RUNDC3B: variants seen among roughly 807,000 people sequenced by gnomAD.
The protein encoded by RUNDC3B is RUN domain-containing protein 3B.
RUNDC3B carries 33 observed loss-of-function variants against 58.4 expected under a neutral mutation model. The ratio of observed to expected loss-of-function variants is 0.56; its 90% CI spans 0.43 to 0.75. RUNDC3B has a LOEUF of 0.75. Ranked by LOEUF, RUNDC3B falls within the 30% of genes least tolerant of loss-of-function variation. RUNDC3B has a pLI of 0.00. For missense variants in RUNDC3B, 501 were observed against 535.7 expected (o/e 0.94, Z 0.64); for synonymous variants, 193 against 195.2 (o/e 0.99, Z 0.10).
At chr7:87,645,693 A>G (rs1822934153) in intron 1 of RUNDC3B, among the ~76,000 whole-genome samples, 1 of 152,228 alleles carries the variant, frequency 6.6e-6, no homozygotes, top group South Asian at 2.1e-4. Context: ...TCTTAGATAT[A>G]TTAAAATTCT....
At chr7:87,735,359 T>G (rs1831864518) in intron 4 of RUNDC3B, among the ~76,000 whole-genome samples, 1 of 152,208 alleles carries the variant, frequency 6.6e-6, no homozygotes, top group African/African-American at 2.4e-5. Flanking sequence ...CCTGTTGGCC[T>G]CCTGACCTTC....
intron 6 of RUNDC3B, among the ~76,000 whole-genome samples, chr7:87,753,838 G>A (rs956815402): frequency 1.8e-4 from 27 of 152,104 alleles, no homozygotes; most frequent in South Asian, 6.2e-4. Context: ...CTACATAGAG[G>A]AGCCAGAGTG....
intron 6 of RUNDC3B, among the ~76,000 whole-genome samples, chr7:87,743,256 G>A (rs1453907161): frequency 2.6e-5 from 4 of 152,286 alleles, no homozygotes; most frequent in Middle Eastern, 3.4e-3. Context: ...TTGCAGTTGC[G>A]AATTGTGCTG....
intron 8 of RUNDC3B, among the ~76,000 whole-genome samples, chr7:87,788,187 C>G (rs1835325630): frequency 2.0e-5 from 3 of 152,152 alleles, no homozygotes; most frequent in Admixed American, 6.6e-5. Context: ...CTTTGAGAGG[C>G]CAAGGCGAGA....
chr7:87,754,520 A>T (rs1833237973), intron 6 of RUNDC3B, among the ~76,000 whole-genome samples: 1 of 152,198 alleles, frequency 6.6e-6, no homozygotes, highest in South Asian at 2.1e-4. Context: ...CTAATATCAC[A>T]ATGGAAAGAA....
At chr7:87,786,896 G>A (rs2130899312) in intron 8 of RUNDC3B, among the ~76,000 whole-genome samples, 1 of 152,194 alleles carries the variant, frequency 6.6e-6, no homozygotes, top group South Asian at 2.1e-4. Context: ...GCTTTCAGTT[G>A]TCTTTAATAA....
intron 6 of RUNDC3B, among the ~76,000 whole-genome samples, chr7:87,759,155 A>G (rs924850455): frequency 2.0e-5 from 3 of 152,186 alleles, no homozygotes; most frequent in African/African-American, 4.8e-5. Flanking sequence ...TTCAGCCACA[A>G]AAAGAATGAA....
Position 87,628,750 on chromosome 7 carries a change from G to A in RUNDC3B, c.-74G>A. The A allele has an allele frequency of 1.0e-6, 1 of 957,640 alleles. No homozygotes were observed. Among genetic ancestry groups the A allele is most frequent in the Non-Finnish European group, 1.4e-6 (1 of 726,356 alleles). The allele number at this position is 957,640 out of a possible 1,614,324, so 59.3% of individuals were successfully genotyped here. A position where few individuals can be genotyped will look rare whatever the true frequency, so the allele number is the denominator to read the frequency against. Reference sequence around the variant, plus strand: ...GCGCCCCCACGGTTGCGGACCGAGCGAGAACCCCCTTAAGCAGGTGTGGGG... The same window carrying A: ...GCGCCCCCACGGTTGCGGACCGAGCAAGAACCCCCTTAAGCAGGTGTGGGG... On this transcript the variant is annotated 5_prime_UTR_variant, in exon 1 of 11. Transcript: ENST00000394654.
At chr7:87,687,781 A>G (rs1174688876) in intron 2 of RUNDC3B, among the ~76,000 whole-genome samples, 19 of 152,218 alleles carry the variant, frequency 1.2e-4, no homozygotes, top group Admixed American at 1.2e-3. Flanking sequence ...AGCATTGCTC[A>G]GGAACTCTGG....
chr7:87,795,338 A>G (rs1835757107), intron 8 of RUNDC3B, among the ~76,000 whole-genome samples: 2 of 152,342 alleles, frequency 1.3e-5, no homozygotes, highest in South Asian at 4.1e-4. Context: ...GATATTTCTC[A>G]AAAGAAGACA....
chr7:87,702,931 T>G (rs1356066084), intron 3 of RUNDC3B, among the ~76,000 whole-genome samples: 1 of 152,202 alleles, frequency 6.6e-6, no homozygotes, highest in African/African-American at 2.4e-5. Flanking sequence ...TATACCTAAC[T>G]AACTCAACTA....
intron 2 of RUNDC3B, among the ~76,000 whole-genome samples, chr7:87,691,986 T>G (rs1585116039): frequency 6.6e-6 from 1 of 152,320 alleles, no homozygotes; most frequent in Admixed American, 6.5e-5. Flanking sequence ...CAGATATTTC[T>G]GGTTGCTTTT....
intron 9 of RUNDC3B, among the ~76,000 whole-genome samples, chr7:87,815,166 A>G (rs1836962531): frequency 6.6e-6 from 1 of 152,154 alleles, no homozygotes; most frequent in African/African-American, 2.4e-5. Context: ...ATCACATTTA[A>G]TATACATATT....
intron 2 of RUNDC3B, among the ~76,000 whole-genome samples, chr7:87,697,533 G>A (rs1465204262): frequency 1.3e-5 from 2 of 152,178 alleles, no homozygotes; most frequent in East Asian, 3.8e-4. Flanking sequence ...AGTAAGTTTG[G>A]AAGATTTCTC....
intron 1 of RUNDC3B, among the ~76,000 whole-genome samples, chr7:87,638,567 C>T (rs1822078442): frequency 6.6e-6 from 1 of 151,512 alleles, no homozygotes; most frequent in South Asian, 2.1e-4. Flanking sequence ...GTATGAGTTT[C>T]AGTAGGTTTT....
chr7:87,742,304 T>A (rs1832372693), intron 6 of RUNDC3B, among the ~76,000 whole-genome samples: 1 of 152,158 alleles, frequency 6.6e-6, no homozygotes, highest in South Asian at 2.1e-4. Context: ...GGAACACCCA[T>A]CACCTGAGCA....
At chr7:87,803,404 A>G (rs1169021041) in intron 8 of RUNDC3B, among the ~76,000 whole-genome samples, 1 of 152,242 alleles carries the variant, frequency 6.6e-6, no homozygotes, top group African/African-American at 2.4e-5. Flanking sequence ...GGATATATTT[A>G]TAGATCACAT....
chr7:87,823,930 A>T (rs529918384), intron 10 of RUNDC3B, among the ~76,000 whole-genome samples: 1 of 152,260 alleles, frequency 6.6e-6, no homozygotes, highest in Admixed American at 6.5e-5. Flanking sequence ...AACTAATTTT[A>T]AAAAATCACA....
At chr7:87,803,672 T>G in intron 8 of RUNDC3B, among the ~76,000 whole-genome samples, 1 of 152,168 alleles carries the variant, frequency 6.6e-6, no homozygotes, top group East Asian at 1.9e-4. Context: ...TCACAAAGAC[T>G]TTTAGATGAT....
Sources: allele counts gnomAD v4.1 joint callset (sites outside exome capture counted in the v4.1 genomes callset), GRCh38; gene constraint gnomAD v4.1.1; transcripts MANE v1.5; gene names NCBI Gene and HGNC (gene_info 2026-07-23, HGNC 2026-07-21).